Variants in LRP5 observed in about 807,000 individuals in gnomAD.
LRP5 encodes the protein low-density lipoprotein receptor-related protein 5.
Under a neutral mutation model 154.1 loss-of-function variants are expected in LRP5, and 62 were observed. That is an observed-to-expected ratio of 0.40 (90% CI 0.33 to 0.50). The LOEUF is 0.50. Among genes scored for constraint, LRP5 ranks in the 20% least tolerant of loss-of-function variants. LRP5 has a pLI of 0.55. For synonymous variants in LRP5, 966 were observed against 1,011.5 expected (o/e 0.96, Z 0.85); for missense variants, 1,915 against 2,336.7 (o/e 0.82, Z 3.72).
intron 1 of LRP5, among the ~76,000 whole-genome samples, chr11:68,335,413 T>C (rs2098605150): frequency 6.6e-6 from 1 of 151,808 alleles, no homozygotes; most frequent in Non-Finnish European, 1.5e-5. Flanking sequence ...ACACCTTATT[T>C]AGGCTGAGTG....
chr11:68,388,381 G>C (rs999040047), intron 6 of LRP5, among the ~76,000 whole-genome samples: 83 of 152,238 alleles, frequency 5.5e-4, no homozygotes, highest in African/African-American at 1.9e-3. Flanking sequence ...CCTAGCCCTG[G>C]TTTCATGAGT....
chr11:68,414,613 C>A (rs149026139), intron 12 of LRP5, among the ~76,000 whole-genome samples: 87 of 152,116 alleles, frequency 5.7e-4, no homozygotes, highest in African/African-American at 2.0e-3. Flanking sequence ...TTCCTATGGC[C>A]CCTCTGGAGT....
At chr11:68,362,195 G>C (rs370149992) in intron 3 of LRP5, among the ~76,000 whole-genome samples, 2 of 152,130 alleles carry the variant, frequency 1.3e-5, no homozygotes, top group Non-Finnish European at 2.9e-5. Flanking sequence ...TTGTGATTCC[G>C]TTTATATGAG....
chr11:68,365,822 G>A, intron 5 of LRP5, 120 bp downstream of exon 5: 2 of 1,052,304 alleles, frequency 1.9e-6, no homozygotes, highest in Non-Finnish European at 2.7e-6. Flanking sequence ...GATCCACTTG[G>A]CGGGTGTGGT....
At chr11:68,364,899 G>A (rs188106313) in intron 4 of LRP5, among the ~76,000 whole-genome samples, 2 of 146,678 alleles carry the variant, frequency 1.4e-5, no homozygotes, top group Admixed American at 1.4e-4. Context: ...TGTTGTTCCA[G>A]TTATATCCGT....
chr11:68,362,533 C>T (rs576702836), intron 3 of LRP5, among the ~76,000 whole-genome samples: 2 of 151,994 alleles, frequency 1.3e-5, no homozygotes, highest in South Asian at 4.1e-4. Context: ...AAAAGATACC[C>T]CCCAAAAATT....
rs1395116188 is a variant in LRP5, at chr11:68,406,552, G to C, written c.1830G>C (p.Gly610=). The C allele has an allele frequency of 7.4e-6, 12 of 1,614,030 alleles. No homozygotes were observed. In the Admixed American group the frequency reaches 1.5e-4, roughly 20 times the overall value. Residue 610 remains glycine (G), a synonymous_variant, in exon 9 of 23, where the codon GGG becomes GGC. Coordinates refer to ENST00000294304, the MANE Select transcript of LRP5 (RefSeq NM_002335.4). ...CCAACCCGTGTGCGGACAGGAACGGGGGGTGCAGCCACCTGTGCTTCTTCA... is the reference window on the plus strand; with the variant it reads ...CCAACCCGTGTGCGGACAGGAACGGCGGGTGCAGCCACCTGTGCTTCTTCA... ...VGTNPCADRN[G]GCSHLCFFTP...
At chr11:68,363,410 G>A (rs1158282950) in intron 3 of LRP5, among the ~76,000 whole-genome samples, 7 of 152,130 alleles carry the variant, frequency 4.6e-5, no homozygotes, top group African/African-American at 1.2e-4. Flanking sequence ...TAATCCCAGC[G>A]CTTTGAGAGG....
chr11:68,430,235 G>A (rs530065065), intron 17 of LRP5, among the ~76,000 whole-genome samples: 7 of 152,110 alleles, frequency 4.6e-5, no homozygotes, highest in African/African-American at 1.7e-4. Context: ...GTGCAATGGC[G>A]CGATCTCAGC....
chr11:68,389,514 A>G (rs1454644085), intron 6 of LRP5, among the ~76,000 whole-genome samples: 1 of 151,860 alleles, frequency 6.6e-6, no homozygotes, highest in Non-Finnish European at 1.5e-5. Flanking sequence ...CAACACCGAC[A>G]TTTACCAACA....
intron 7 of LRP5, among the ~76,000 whole-genome samples, chr11:68,392,421 T>C (rs534041109): frequency 1.3e-5 from 2 of 152,172 alleles, no homozygotes; most frequent in African/African-American, 4.8e-5. Flanking sequence ...GGAGAATCGC[T>C]TGAGCCCGGG....
At position 68,312,759 on chromosome 11, in the gene LRP5, G is replaced by A; in HGVS notation, c.45G>A (p.Leu15=). The A allele has an allele frequency of 9.2e-7, 1 of 1,089,564 alleles. No homozygotes were observed. Among genetic ancestry groups the A allele is most frequent in the South Asian group, 2.6e-5 (1 of 37,990 alleles). The allele number at this position is 1,089,564 out of a possible 1,614,324, so 67.5% of individuals were successfully genotyped here. Residue 15 remains leucine (L), a synonymous_variant, in exon 1 of 23, where the codon CTG becomes CTA. Coordinates refer to ENST00000294304, the MANE Select transcript of LRP5 (RefSeq NM_002335.4). ...PPGPPWPLLL[L]LLLLLALCGC... ...GGCCGCCGTGGCCGCTGCTGCTGCT[G>A]CTGCTGCTGCTGCTGGCGCTGTGCG...
At chr11:68,339,058 G>C (rs2098607358) in intron 1 of LRP5, among the ~76,000 whole-genome samples, 1 of 151,652 alleles carries the variant, frequency 6.6e-6, no homozygotes. Flanking sequence ...ATTTTTAGTA[G>C]AGATGGGGTT....
chr11:68,390,191 C>G (rs561873857), intron 7 of LRP5, 139 bp downstream of exon 7: 2 of 1,089,838 alleles, frequency 1.8e-6, no homozygotes, highest in African/African-American at 1.6e-5. Flanking sequence ...AAAATAGTTA[C>G]AATACTTTCT....
At chr11:68,439,719 TG>T in intron 20 of LRP5, 57 bp from the exon 21 acceptor site, 3 of 1,576,438 alleles carry the variant, frequency 1.9e-6, no homozygotes, top group Non-Finnish European at 1.7e-6. Context: ...CCTATGTCTG[TG>T]GGGCGGCTTG....
chr11:68,303,660 A>AT, the LRP5 span, among the ~76,000 whole-genome samples: 2 of 151,966 alleles, frequency 1.3e-5, no homozygotes, highest in Non-Finnish European at 2.9e-5. Context: ...CACCAAGCTA[A>AT]TTTTTTTGTA....
chr11:68,351,133 G>A (rs538112308), intron 2 of LRP5, among the ~76,000 whole-genome samples: 51 of 152,236 alleles, frequency 3.4e-4, no homozygotes, highest in African/African-American at 9.6e-4. Flanking sequence ...GGAATTTATC[G>A]CCAAAGTATT....
At chr11:68,318,819 C>T (rs1034738435) in intron 1 of LRP5, among the ~76,000 whole-genome samples, 1 of 152,338 alleles carries the variant, frequency 6.6e-6, no homozygotes, top group East Asian at 1.9e-4. Flanking sequence ...AATCCAGGGC[C>T]CTGCAGGGCT....
At chr11:68,372,679 G>A (rs566576639) in intron 5 of LRP5, among the ~76,000 whole-genome samples, 42 of 152,296 alleles carry the variant, frequency 2.8e-4, no homozygotes, top group African/African-American at 9.9e-4. Flanking sequence ...GCTGAGCAGC[G>A]TGATGGTGCA....
Sources: gnomAD v4.1 joint callset for allele counts (sites outside exome capture counted in the v4.1 genomes callset) on GRCh38, gnomAD v4.1.1 for gene constraint, MANE v1.5 for transcripts, NCBI Gene and HGNC (gene_info 2026-07-23, HGNC 2026-07-21) for gene names.